Variants in PLCG2 observed in about 807,000 individuals in gnomAD.
The protein encoded by PLCG2 is phospholipase C gamma 2.
A neutral mutation model predicts 175.6 loss-of-function variants in PLCG2; 69 were observed. The observed-to-expected ratio is 0.39, with a 90% confidence interval of 0.32 to 0.48. The LOEUF (loss-of-function observed/expected upper bound fraction) is 0.48. PLCG2 is among the 20% of genes least tolerant of loss of function. The pLI, the probability that PLCG2 is intolerant of heterozygous loss-of-function variation, is 0.91. For synonymous variants in PLCG2, 827 were observed against 624.0 expected, an observed-to-expected ratio of 1.33 and a Z score of -4.85; for missense variants, 1,798 against 1,650.9, an observed-to-expected ratio of 1.09 and a Z score of -1.54.
intron 2 of PLCG2, among the ~76,000 whole-genome samples, chr16:81,839,496 T>C (rs1905708543): frequency 6.6e-6 from 1 of 152,212 alleles, no homozygotes; most frequent in Non-Finnish European, 1.5e-5. Flanking sequence ...CCTTCCTTTA[T>C]TGCCTTAATA....
At chr16:81,805,843 T>C (rs1911997149) in intron 2 of PLCG2, among the ~76,000 whole-genome samples, 1 of 146,988 alleles carries the variant, frequency 6.8e-6, no homozygotes, top group Non-Finnish European at 1.5e-5. Flanking sequence ...GGGATTTTGT[T>C]CTGGGTGAAG....
rs973351085 is a variant in PLCG2, at chr16:81,769,589, C to T, written c.-48+13623C>T. On this transcript the variant is annotated intron_variant, in intron 2 of 5. Coordinates refer to the PLCG2 transcript ENST00000565054. ...CAGCACTTTGGGAGGCCGAGGCGGG[C>T]GGATCACGAGGTCAGGAGATCGAGA... is the stretch of plus-strand genomic sequence containing the variant. 9.9e-5 allele frequency among the ~76,000 whole-genome samples: 15 copies of T among 151,756 alleles called. No individual in the cohort carries two copies. In the East Asian group the frequency reaches 2.5e-3, roughly 26 times the overall value.
At chr16:81,884,510 AC>A (rs1303917136) in intron 9 of PLCG2, among the ~76,000 whole-genome samples, 1 of 152,024 alleles carries the variant, frequency 6.6e-6, no homozygotes, top group Non-Finnish European at 1.5e-5. Context: ...CAGGTGGTTT[AC>A]CCTTTTTGTG....
chr16:81,940,165 A>C, intron 30 of PLCG2, 106 bp downstream of exon 30: 1 of 1,018,384 alleles, frequency 9.8e-7, no homozygotes, highest in Non-Finnish European at 1.5e-6. Flanking sequence ...GTTTGGATGG[A>C]ATCACTGTAA....
intron 2 of PLCG2, among the ~76,000 whole-genome samples, chr16:81,835,515 G>T (rs1010549368): frequency 6.6e-6 from 1 of 152,118 alleles, no homozygotes; most frequent in Non-Finnish European, 1.5e-5. Flanking sequence ...GGAGGTGGAG[G>T]TTGCTGTGAG....
At chr16:81,947,443 C>T (rs574969649) in intron 31 of PLCG2, among the ~76,000 whole-genome samples, 60 of 152,300 alleles carry the variant, frequency 3.9e-4, no homozygotes, top group Non-Finnish European at 7.1e-4. Flanking sequence ...GATGAAGAGT[C>T]GCTCTTGGAA....
chr16:81,871,743 C>T (rs1021700197), intron 7 of PLCG2, among the ~76,000 whole-genome samples: 1 of 152,078 alleles, frequency 6.6e-6, no homozygotes, highest in Non-Finnish European at 1.5e-5. Flanking sequence ...ACAGTGGCAT[C>T]CTGGGGACTC....
intron 21 of PLCG2, 171 bp from the exon 22 acceptor site, chr16:81,923,314 G>T: frequency 1.8e-6 from 1 of 556,406 alleles, no homozygotes; most frequent in South Asian, 2.3e-5. Context: ...GTGGCTTTTT[G>T]GGGCCTTCGA....
chr16:81,800,765 G>T (rs796134366), intron 2 of PLCG2, among the ~76,000 whole-genome samples: 3 of 152,162 alleles, frequency 2.0e-5, no homozygotes, highest in African/African-American at 7.2e-5. Flanking sequence ...AATCCCTGGA[G>T]CCTGTGAATA....
chr16:81,921,653 C>G (rs1910067571), intron 21 of PLCG2: 2 of 302,530 alleles, frequency 6.6e-6, no homozygotes, highest in Non-Finnish European at 1.3e-5. Flanking sequence ...CCCACCCTGA[C>G]TCTGTTGTGT....
rs1019936509 is a variant in PLCG2, at chr16:81,779,338, C to G, written c.-134C>G. The G allele has an allele frequency of 1.3e-5, 2 of 150,728 alleles. No homozygotes were observed. The highest frequency in any genetic ancestry group is 3.0e-5 in the Non-Finnish European group (2 of 67,558). The allele number at this position is 150,728 out of a possible 1,614,324, so 9.3% of individuals were successfully genotyped here. A position where few individuals can be genotyped will look rare whatever the true frequency, so the allele number is the denominator to read the frequency against. ...GGAGGGCGTGAGCGGCGCTGAGTGA[C>G]CCGAGTCGGGACGCGGGCTGCGCGC... On this transcript the variant is annotated 5_prime_UTR_variant, in exon 1 of 33. Coordinates refer to ENST00000564138, the MANE Select transcript of PLCG2 (RefSeq NM_002661.5).
intron 1 of PLCG2, among the ~76,000 whole-genome samples, chr16:81,782,514 C>A (rs1444017575): frequency 6.6e-6 from 1 of 152,206 alleles, no homozygotes; most frequent in African/African-American, 2.4e-5. Flanking sequence ...GCGTGGAACG[C>A]TGGAGACCTG....
At chr16:81,893,626 C>G in intron 11 of PLCG2, 83 bp from the exon 12 acceptor site, 1 of 814,588 alleles carries the variant, frequency 1.2e-6, no homozygotes, top group Non-Finnish European at 2.1e-6. Context: ...GAGAAGTTCC[C>G]CCACAACACC....
Position 81,943,100 on chromosome 16 carries a change from T to C in PLCG2, c.3481+3041T>C, listed in dbSNP as rs4640176. 1.3e-3 allele frequency among the ~76,000 whole-genome samples: 191 copies of C among 152,272 alleles called. No homozygotes were observed. The East Asian group carries it at 0.026, about 21-fold the overall frequency. On this transcript the variant is annotated intron_variant, in intron 30 of 32. Coordinates refer to ENST00000564138, the MANE Select transcript of PLCG2 (RefSeq NM_002661.5). ...AGCCTGGAACCATGCTATTGGAGTG[T>C]AGGGGCTACCTGATAGCCTCCCGGA...
chr16:81,897,771 A>G (rs760766531), intron 13 of PLCG2: 9 of 449,894 alleles, frequency 2.0e-5, no homozygotes, highest in Non-Finnish European at 3.6e-5. Flanking sequence ...TCTTGAACTC[A>G]TGACCTCAGG....
intron 2 of PLCG2, among the ~76,000 whole-genome samples, chr16:81,787,287 T>A (rs1437587463): frequency 6.6e-6 from 1 of 152,146 alleles, no homozygotes; most frequent in East Asian, 1.9e-4. Context: ...AATGGCATGA[T>A]CATGGCTCAC....
At chr16:81,899,217 T>TA (rs1272451763) in intron 13 of PLCG2, among the ~76,000 whole-genome samples, 1 of 150,704 alleles carries the variant, frequency 6.6e-6, no homozygotes, top group African/African-American at 2.4e-5. Context: ...TAAAATAAAA[T>TA]AAATAAATAC....
At chr16:81,792,087 A>G (rs1911257846) in intron 2 of PLCG2, among the ~76,000 whole-genome samples, 1 of 152,224 alleles carries the variant, frequency 6.6e-6, no homozygotes, top group Non-Finnish European at 1.5e-5. Flanking sequence ...GGTGGCCACC[A>G]GCAGCCAAGC....
upstream of PLCG2, chr16:81,779,242 G>GCGGGGGGCGGCCCCCGAGGAT (rs1910615220): frequency 6.6e-6 from 1 of 151,300 alleles, no homozygotes; most frequent in Non-Finnish European, 1.5e-5. Flanking sequence ...GCTGGGCGGT[G>GCGGGGGGCGGCCCCCGAGGAT]CGGGGGGCGG....
Sources: allele counts gnomAD v4.1 joint callset (sites outside exome capture counted in the v4.1 genomes callset), GRCh38; gene constraint gnomAD v4.1.1; transcripts MANE v1.5; gene names NCBI Gene and HGNC (gene_info 2026-07-23, HGNC 2026-07-21).